Variants in UBE2D2 observed in about 807,000 individuals in gnomAD.
UBE2D2 encodes the protein ubiquitin-conjugating enzyme E2 D2.
A neutral mutation model predicts 24.2 loss-of-function variants in UBE2D2; 2 were observed. The ratio of observed to expected loss-of-function variants is 0.08; its 90% CI spans 0.03 to 0.26. The LOEUF (loss-of-function observed/expected upper bound fraction) is 0.26. Among genes scored for constraint, UBE2D2 ranks in the 10% least tolerant of loss-of-function variants. UBE2D2 has a pLI of 1.00. For synonymous variants in UBE2D2, 58 were observed against 56.5 expected (o/e 1.03, Z -0.12); for missense variants, 44 against 177.6 (o/e 0.25, Z 4.28).
chr5:139,548,193 A>AAAAAATAAT, intron 1 of UBE2D2, among the ~76,000 whole-genome samples: 1 of 47,104 alleles, frequency 2.1e-5, no homozygotes, highest in Non-Finnish European at 3.8e-5. Context: ...ATAAAAAAAA[A>AAAAAATAAT]AAATAAATAA....
intron 1 of UBE2D2, among the ~76,000 whole-genome samples, chr5:139,547,406 C>T (rs545505353): frequency 3.6e-4 from 54 of 152,068 alleles, no homozygotes; most frequent in Admixed American, 5.2e-4. Context: ...AGTAGAGACG[C>T]GGTTTCACCA....
intron 1 of UBE2D2, among the ~76,000 whole-genome samples, chr5:139,580,548 G>A (rs1225017691): frequency 6.6e-6 from 1 of 152,124 alleles, no homozygotes; most frequent in Non-Finnish European, 1.5e-5. Flanking sequence ...TGCAACCTCC[G>A]CCTCCCGGGT....
intron 1 of UBE2D2, among the ~76,000 whole-genome samples, chr5:139,533,907 C>G (rs1309383230): frequency 6.6e-6 from 1 of 150,604 alleles, no homozygotes; most frequent in Non-Finnish European, 1.5e-5. Flanking sequence ...CTCAGCCTCC[C>G]GAGTAGCTGG....
At chr5:139,548,156 T>A (rs1752856880) in intron 1 of UBE2D2, among the ~76,000 whole-genome samples, 1 of 8,364 alleles carries the variant, frequency 1.2e-4, no homozygotes, top group South Asian at 4.5e-3. Flanking sequence ...AGAGCGAGAC[T>A]CCGTCTCAAA....
chr5:139,624,059 CTT>C (rs1581536637), intron 6 of UBE2D2, among the ~76,000 whole-genome samples: 2 of 152,076 alleles, frequency 1.3e-5, no homozygotes, highest in Non-Finnish European at 2.9e-5. Context: ...ATATAAAGCA[CTT>C]TTCATCAAGT....
At chr5:139,579,872 C>G (rs528869670) in intron 1 of UBE2D2, among the ~76,000 whole-genome samples, 2 of 151,860 alleles carry the variant, frequency 1.3e-5, no homozygotes, top group African/African-American at 4.8e-5. Context: ...ATGGTGAAAC[C>G]CTGTCTCTAC....
At chr5:139,621,494 G>C (rs1754512995) in intron 5 of UBE2D2, among the ~76,000 whole-genome samples, 1 of 152,208 alleles carries the variant, frequency 6.6e-6, no homozygotes, top group Admixed American at 6.5e-5. Context: ...TCTTGATTTA[G>C]ACTGAATTGT....
chr5:139,532,471 C>T (rs1752609391), intron 1 of UBE2D2, among the ~76,000 whole-genome samples: 1 of 152,064 alleles, frequency 6.6e-6, no homozygotes, highest in Admixed American at 6.5e-5. Context: ...CTTGCCTCAG[C>T]CTCCCGAGTA....
intron 1 of UBE2D2, among the ~76,000 whole-genome samples, chr5:139,594,350 T>G (rs1401135322): frequency 6.6e-6 from 1 of 152,136 alleles, no homozygotes; most frequent in Non-Finnish European, 1.5e-5. Flanking sequence ...GTGATATATA[T>G]ATATGTCTTA....
chr5:139,570,229 C>T (rs930371202), intron 1 of UBE2D2, among the ~76,000 whole-genome samples: 1 of 152,246 alleles, frequency 6.6e-6, no homozygotes, highest in South Asian at 2.1e-4. Flanking sequence ...TGTGATCATA[C>T]CACTGCACTC....
chr5:139,575,432 A>G (rs1753448491), intron 1 of UBE2D2, among the ~76,000 whole-genome samples: 1 of 152,200 alleles, frequency 6.6e-6, no homozygotes, highest in African/African-American at 2.4e-5. Flanking sequence ...TCGTCACCCC[A>G]AGCAAAAAAA....
intron 1 of UBE2D2, among the ~76,000 whole-genome samples, chr5:139,573,968 C>A (rs1003794667): frequency 6.6e-6 from 1 of 151,238 alleles, no homozygotes; most frequent in Non-Finnish European, 1.5e-5. Flanking sequence ...GAGACTGTCT[C>A]TAAATAAATA....
At chr5:139,607,423 G>C (rs1426259493) in intron 2 of UBE2D2, among the ~76,000 whole-genome samples, 1 of 152,074 alleles carries the variant, frequency 6.6e-6, no homozygotes, top group Non-Finnish European at 1.5e-5. Flanking sequence ...TGTCTTGGTT[G>C]CTGCATTAGT....
chr5:139,602,863 C>T (rs947974386), intron 2 of UBE2D2, among the ~76,000 whole-genome samples: 5 of 152,064 alleles, frequency 3.3e-5, no homozygotes, highest in Admixed American at 2.6e-4. Flanking sequence ...TCTGACTTAC[C>T]TAGCGTGAGT....
chr5:139,581,917 A>G (rs999936773), intron 1 of UBE2D2, among the ~76,000 whole-genome samples: 5 of 151,746 alleles, frequency 3.3e-5, no homozygotes, highest in African/African-American at 9.7e-5. Context: ...TCTGGCCGCC[A>G]TGGCCTCCCA....
chr5:139,531,602 G>A (rs1752597415), intron 1 of UBE2D2, among the ~76,000 whole-genome samples: 1 of 148,536 alleles, frequency 6.7e-6, no homozygotes, highest in Non-Finnish European at 1.5e-5. Context: ...ACTCCAGCTT[G>A]GGTGACAGAG....
intron 5 of UBE2D2, among the ~76,000 whole-genome samples, chr5:139,617,608 A>G (rs1754443913): frequency 6.6e-6 from 1 of 152,126 alleles, no homozygotes; most frequent in Non-Finnish European, 1.5e-5. Flanking sequence ...AGTAGAAATT[A>G]TCTGCTTATA....
intron 1 of UBE2D2, among the ~76,000 whole-genome samples, chr5:139,551,877 C>G (rs920533382): frequency 3.3e-5 from 5 of 152,156 alleles, no homozygotes; most frequent in Non-Finnish European, 7.3e-5. Flanking sequence ...AAGTAAGTGG[C>G]AAAGCTACTG....
At chr5:139,589,169 G>C (rs114393748) in intron 1 of UBE2D2, among the ~76,000 whole-genome samples, 5 of 152,174 alleles carry the variant, frequency 3.3e-5, no homozygotes, top group Middle Eastern at 3.4e-3. Flanking sequence ...TGAAGTGGTA[G>C]AATTACTTGA....
Sources: gnomAD v4.1 joint callset for allele counts (sites outside exome capture counted in the v4.1 genomes callset) on GRCh38, gnomAD v4.1.1 for gene constraint, MANE v1.5 for transcripts, NCBI Gene and HGNC (gene_info 2026-07-23, HGNC 2026-07-21) for gene names.